TENM4: variants seen among roughly 807,000 people sequenced by gnomAD.
TENM4 encodes the protein teneurin-4.
TENM4 carries 82 observed loss-of-function variants against 243.3 expected under a neutral mutation model. The observed-to-expected ratio is 0.34, with a 90% confidence interval of 0.28 to 0.40. The LOEUF (loss-of-function observed/expected upper bound fraction) is 0.40, where lower values mean the gene tolerates loss of function less well. TENM4 is among the 10% of genes least tolerant of loss of function. TENM4 has a pLI of 1.00. For synonymous variants in TENM4, 1,412 were observed against 1,456.3 expected, an observed-to-expected ratio of 0.97 and a Z score of 0.69; for missense variants, 3,138 against 3,673.3, an observed-to-expected ratio of 0.85 and a Z score of 3.77.
At chr11:78,777,501 G>A (rs909774815) in intron 17 of TENM4, among the ~76,000 whole-genome samples, 2 of 152,110 alleles carry the variant, frequency 1.3e-5, no homozygotes, top group Non-Finnish European at 2.9e-5. Flanking sequence ...CAAATTAAGG[G>A]TGAGAATAAG....
intron 1 of TENM4, among the ~76,000 whole-genome samples, chr11:79,298,909 T>C (rs80284935): frequency 0.031 from 4,785 of 152,332 alleles, 222 homozygotes; most frequent in African/African-American, 0.1. Flanking sequence ...AAAAAATGTT[T>C]CTGCAGCTCT....
intron 3 of TENM4, among the ~76,000 whole-genome samples, chr11:79,195,967 G>A (rs959605755): frequency 1.3e-5 from 2 of 152,032 alleles, no homozygotes; most frequent in African/African-American, 2.4e-5. Context: ...TGAATCATGG[G>A]GGCTGGTCTT....
chr11:79,292,507 T>TTG (rs1856373791), intron 2 of TENM4, among the ~76,000 whole-genome samples: 1 of 152,218 alleles, frequency 6.6e-6, no homozygotes, highest in Non-Finnish European at 1.5e-5. Flanking sequence ...AACTACAGCT[T>TTG]CCTAGCCTTC....
chr11:79,346,384 C>G (rs909309496), intron 1 of TENM4, among the ~76,000 whole-genome samples: 1 of 151,988 alleles, frequency 6.6e-6, no homozygotes, highest in African/African-American at 2.4e-5. Flanking sequence ...AGAATTAATG[C>G]AGACAGATGC....
chr11:78,860,882 T>G (rs1858802955), intron 10 of TENM4, among the ~76,000 whole-genome samples: 1 of 152,216 alleles, frequency 6.6e-6, no homozygotes, highest in African/African-American at 2.4e-5. Context: ...CTGGTGCAAT[T>G]TTATTTTATC....
chr11:79,228,146 A>C lies in TENM4; in HGVS notation c.-264-12237T>G, dbSNP rs561951181. 3.1e-4 allele frequency among the ~76,000 whole-genome samples: 47 copies of C among 152,306 alleles called. No homozygotes were observed. The South Asian group carries it at 9.7e-3, about 32-fold the overall frequency. On this transcript the variant is annotated intron_variant, in intron 2 of 33. Transcript: ENST00000278550. ...CGGGACTGAGAAAGAGACAAGGGCAAAATAAAGCCCACTAGAAATGAAGGG... is the reference window on the plus strand; with the variant it reads ...CGGGACTGAGAAAGAGACAAGGGCACAATAAAGCCCACTAGAAATGAAGGG...
At chr11:79,415,150 T>G (rs1858786395) in intron 1 of TENM4, among the ~76,000 whole-genome samples, 1 of 152,236 alleles carries the variant, frequency 6.6e-6, no homozygotes, top group South Asian at 2.1e-4. Context: ...GATTCTAAGA[T>G]TCTATGATTA....
chr11:78,883,507 T>A (rs1353531036), intron 9 of TENM4, among the ~76,000 whole-genome samples: 1 of 152,224 alleles, frequency 6.6e-6, no homozygotes, highest in African/African-American at 2.4e-5. Context: ...CTGGACCTGA[T>A]GATACAGCAA....
chr11:79,158,943 A>G (rs1255989436), intron 3 of TENM4, among the ~76,000 whole-genome samples: 1 of 152,202 alleles, frequency 6.6e-6, no homozygotes, highest in African/African-American at 2.4e-5. Context: ...TAACCCTAGT[A>G]TATGGTAGAC....
chr11:78,801,264 A>G (rs1343749560), intron 15 of TENM4, among the ~76,000 whole-genome samples: 1 of 152,194 alleles, frequency 6.6e-6, no homozygotes, highest in African/African-American at 2.4e-5. Context: ...CAACAGCAGT[A>G]GCCACCTCCC....
intron 22 of TENM4, among the ~76,000 whole-genome samples, chr11:78,726,938 T>C (rs1480553504): frequency 6.6e-6 from 1 of 152,184 alleles, no homozygotes; most frequent in Admixed American, 6.5e-5. Flanking sequence ...GGAAAATATT[T>C]TGTGCACAAG....
At chr11:79,297,394 G>C (rs1856473417) in intron 2 of TENM4, 94 bp downstream of exon 2, 1 of 152,628 alleles carries the variant, frequency 6.6e-6, no homozygotes, top group South Asian at 2.1e-4. Context: ...AAACAGAAAA[G>C]TCACAAGCCT....
intron 1 of TENM4, among the ~76,000 whole-genome samples, chr11:79,334,437 C>T (rs1281278023): frequency 6.6e-6 from 1 of 152,184 alleles, no homozygotes; most frequent in East Asian, 1.9e-4. Context: ...CTGCAGGCTC[C>T]CCTCCCTGAC....
At chr11:78,727,450 A>G (rs1855542345) in intron 22 of TENM4, among the ~76,000 whole-genome samples, 1 of 151,204 alleles carries the variant, frequency 6.6e-6, no homozygotes, top group South Asian at 2.1e-4. Flanking sequence ...AAAAAAAAAG[A>G]AATTATGTAT....
At chr11:79,272,340 A>C (rs922228100) in intron 2 of TENM4, among the ~76,000 whole-genome samples, 2 of 152,222 alleles carry the variant, frequency 1.3e-5, no homozygotes, top group African/African-American at 4.8e-5. Context: ...AGCCACATTT[A>C]AAAAGCAAAA....
At chr11:78,814,915 C>T (rs1202750307) in intron 12 of TENM4, among the ~76,000 whole-genome samples, 1 of 152,240 alleles carries the variant, frequency 6.6e-6, no homozygotes, top group African/African-American at 2.4e-5. Context: ...GCCACTACAC[C>T]AGCCTGAGGC....
chr11:79,147,062 C>G (rs1862407307), intron 4 of TENM4, among the ~76,000 whole-genome samples: 1 of 152,130 alleles, frequency 6.6e-6, no homozygotes, highest in Non-Finnish European at 1.5e-5. Flanking sequence ...CTATTTCACT[C>G]AGAAATCAGT....
At chr11:78,996,238 C>T (rs1858169254) in intron 6 of TENM4, among the ~76,000 whole-genome samples, 1 of 152,146 alleles carries the variant, frequency 6.6e-6, no homozygotes. Context: ...TGGGCCCACA[C>T]CCTAAGAGAA....
intron 2 of TENM4, among the ~76,000 whole-genome samples, chr11:79,239,023 TCAAA>T (rs36069608): frequency 1.4e-4 from 21 of 151,328 alleles, no homozygotes; most frequent in Non-Finnish European, 2.2e-4. Context: ...AGACTCTGTC[TCAAA>T]CAAACAAACA....
Sources: allele counts gnomAD v4.1 joint callset (sites outside exome capture counted in the v4.1 genomes callset), GRCh38; gene constraint gnomAD v4.1.1; transcripts MANE v1.5; gene names NCBI Gene and HGNC (gene_info 2026-07-23, HGNC 2026-07-21).